The following REDIC1 variants were observed in gnomAD, a reference collection of about 807,000 sequenced individuals.
REDIC1 encodes the protein HEI10 Interacting Protein 1.
chr12:39,893,881 A>G, the REDIC1 span, among the ~76,000 whole-genome samples: 1 of 152,234 alleles, frequency 6.6e-6, no homozygotes, highest in Non-Finnish European at 1.5e-5. Context: ...CACAATCCAT[A>G]TGAAATTGAA....
At chr12:39,810,076 C>T in the REDIC1 span, among the ~76,000 whole-genome samples, 9 of 152,152 alleles carry the variant, frequency 5.9e-5, no homozygotes, top group African/African-American at 1.4e-4. Flanking sequence ...CCTGAGGAAT[C>T]GCCACACTGA....
the REDIC1 span, among the ~76,000 whole-genome samples, chr12:39,704,556 G>C: frequency 4.7e-3 from 712 of 152,190 alleles, 4 homozygotes; most frequent in Admixed American, 0.011. Flanking sequence ...ATTTGACCCA[G>C]CCATCCCATT....
the REDIC1 span, chr12:39,683,302 C>G: frequency 3.7e-6 from 4 of 1,089,924 alleles, no homozygotes; most frequent in Admixed American, 2.5e-5. Context: ...TATTATATAA[C>G]ATTGTGGACC....
At chr12:39,729,370 A>G in the REDIC1 span, among the ~76,000 whole-genome samples, 1 of 152,102 alleles carries the variant, frequency 6.6e-6, no homozygotes, top group African/African-American at 2.4e-5. Flanking sequence ...CTTTGTTCTC[A>G]TTGGTTTCAA....
the REDIC1 span, among the ~76,000 whole-genome samples, chr12:39,695,868 G>A: frequency 6.6e-6 from 1 of 152,202 alleles, no homozygotes; most frequent in African/African-American, 2.4e-5. Flanking sequence ...GGGATGCTAT[G>A]TCCCTCCACC....
At chr12:39,808,476 T>G in the REDIC1 span, among the ~76,000 whole-genome samples, 1 of 152,160 alleles carries the variant, frequency 6.6e-6, no homozygotes, top group African/African-American at 2.4e-5. Context: ...ATTGAATTAC[T>G]GGGTTGTATG....
chr12:39,820,717 T>TTATATATATATA, the REDIC1 span, among the ~76,000 whole-genome samples: 1 of 132,728 alleles, frequency 7.5e-6, no homozygotes, highest in Non-Finnish European at 1.7e-5. Context: ...ATTTTTAAAT[T>TTATATATATATA]TATATATATA....
chr12:39,829,989 G>C, the REDIC1 span: 1 of 1,294,278 alleles, frequency 7.7e-7, no homozygotes, highest in Middle Eastern at 2.0e-4. Context: ...AAGTAATGTA[G>C]TTATGAAGGC....
chr12:39,794,752 C>T, the REDIC1 span, among the ~76,000 whole-genome samples: 9 of 152,136 alleles, frequency 5.9e-5, no homozygotes. Context: ...GCCTGATTTG[C>T]GAATCATTCT....
chr12:39,662,297 C>CAATGGATTTT, the REDIC1 span, among the ~76,000 whole-genome samples: 9,492 of 152,000 alleles, frequency 0.062, 1,035 homozygotes, highest in African/African-American at 0.22. Flanking sequence ...TTTGTATCTT[C>CAATGGATTTT]ATCAATTTAT....
the REDIC1 span, chr12:39,626,348 C>G: frequency 1.9e-6 from 3 of 1,614,046 alleles, no homozygotes; most frequent in Non-Finnish European, 2.5e-6. Context: ...TGAATTGGGT[C>G]GGGGGGTCCC....
At chr12:39,727,714 A>T in the REDIC1 span, among the ~76,000 whole-genome samples, 1 of 132,784 alleles carries the variant, frequency 7.5e-6, no homozygotes. Flanking sequence ...TGTTATGGGG[A>T]TATCATTGAA....
chr12:39,844,909 A>AT, the REDIC1 span, among the ~76,000 whole-genome samples: 1 of 152,086 alleles, frequency 6.6e-6, no homozygotes, highest in African/African-American at 2.4e-5. Flanking sequence ...AGAAATACTC[A>AT]TTTTTAGATC....
the REDIC1 span, among the ~76,000 whole-genome samples, chr12:39,821,719 C>T: frequency 1.3e-5 from 2 of 152,148 alleles, no homozygotes; most frequent in African/African-American, 2.4e-5. Flanking sequence ...TGCCTTAAAG[C>T]TTTGGCTCAG....
At chr12:39,711,565 GTATA>G in the REDIC1 span, among the ~76,000 whole-genome samples, 1 of 121,758 alleles carries the variant, frequency 8.2e-6, no homozygotes, top group Admixed American at 7.6e-5. Flanking sequence ...ACATGCATGT[GTATA>G]TGTGCATACA....
chr12:39,907,401 ATAATT>A, the REDIC1 span, among the ~76,000 whole-genome samples: 1 of 152,176 alleles, frequency 6.6e-6, no homozygotes, highest in Admixed American at 6.6e-5. Flanking sequence ...AAGCCAATCC[ATAATT>A]TATAAGACTC....
At chr12:39,701,621 A>G in the REDIC1 span, among the ~76,000 whole-genome samples, 3 of 152,156 alleles carry the variant, frequency 2.0e-5, no homozygotes, top group African/African-American at 2.4e-5. Context: ...TCCACCCCAA[A>G]TCAACACAAT....
At chr12:39,732,932 G>C in the REDIC1 span, among the ~76,000 whole-genome samples, 1 of 152,024 alleles carries the variant, frequency 6.6e-6, no homozygotes, top group Admixed American at 6.6e-5. Flanking sequence ...TTCTGCCCCA[G>C]AACAAAAACA....
the REDIC1 span, among the ~76,000 whole-genome samples, chr12:39,712,017 T>TACGTATATATAC: frequency 2.6e-5 from 1 of 39,164 alleles, no homozygotes; most frequent in South Asian, 7.1e-4. Context: ...TACCTACCTG[T>TACGTATATATAC]ATGTATATAT....
Sources: allele counts gnomAD v4.1 joint callset (sites outside exome capture counted in the v4.1 genomes callset), GRCh38; gene constraint gnomAD v4.1.1; transcripts MANE v1.5; gene names NCBI Gene and HGNC (gene_info 2026-07-23, HGNC 2026-07-21).